The following MAGI1 variants were observed in gnomAD, a reference collection of about 807,000 sequenced individuals.
MAGI1 encodes membrane associated guanylate kinase, WW and PDZ domain containing 1.
In MAGI1, 58 loss-of-function variants were observed where a neutral mutation model predicts 139.9. The observed-to-expected ratio is 0.41, with a 90% CI of 0.34 to 0.52. The LOEUF is 0.52. Among genes scored for constraint, MAGI1 ranks in the 20% least tolerant of loss-of-function variants. MAGI1 has a pLI of 0.12. For synonymous variants in MAGI1, 812 were observed against 737.9 expected (o/e 1.10, Z -1.63); for missense variants, 1,874 against 1,901.6 (o/e 0.99, Z 0.27).
chr3:65,911,062 TG>T (rs2061647280), intron 1 of MAGI1, among the ~76,000 whole-genome samples: 1 of 151,430 alleles, frequency 6.6e-6, no homozygotes, highest in Non-Finnish European at 1.5e-5. Context: ...TTCACCATAT[TG>T]GTCAGGCTGG....
intron 1 of MAGI1, among the ~76,000 whole-genome samples, chr3:65,745,509 G>T (rs2035626860): frequency 6.6e-6 from 1 of 152,184 alleles, no homozygotes; most frequent in Non-Finnish European, 1.5e-5. Flanking sequence ...GCATGAATTG[G>T]CAGGTTACAA....
intron 1 of MAGI1, among the ~76,000 whole-genome samples, chr3:65,978,618 T>A (rs765150777): frequency 0.032 from 1,809 of 57,294 alleles, 33 homozygotes; most frequent in African/African-American, 0.082. Context: ...CAGCTCAAAA[T>A]TTCTTTTTTT....
intron 1 of MAGI1, among the ~76,000 whole-genome samples, chr3:65,903,853 CA>C (rs2061333917): frequency 6.6e-6 from 1 of 151,876 alleles, no homozygotes; most frequent in Non-Finnish European, 1.5e-5. Flanking sequence ...ACTAAAAATA[CA>C]AAAATTAGCC....
chr3:65,370,057 CTT>C (rs1363516328), intron 18 of MAGI1, among the ~76,000 whole-genome samples: 2 of 152,344 alleles, frequency 1.3e-5, no homozygotes, highest in East Asian at 3.9e-4. Flanking sequence ...AATGCTCACT[CTT>C]TGTCTTCTGG....
chr3:66,038,124 G>C lies in MAGI1; in HGVS notation c.185C>G (p.Pro62Arg). The change falls in exon 1 of 23, where the codon CCG becomes CGG. Residue 62 changes from proline to arginine, a missense_variant. Pro to Arg is a moderately radical substitution (Grantham distance 103). This residue lies in a region of MAGI1 where 648 missense variants were observed against 598.1 expected (regional missense o/e 1.08). Transcript: ENST00000402939. ...AAGCAGCTCCCCTTCGCCCAGCCTC[G>C]GGCCCTCGCCGCCGCCGGGAAGCCC... The part of the protein sequence containing the change: ...AAGLPGGGEG[P>R]RLGEGELLLE... 1.2e-6 allele frequency: 2 copies of C among 1,612,244 alleles called. No individual in the cohort carries two copies. Among genetic ancestry groups the C allele is most frequent in the East Asian group, 2.2e-5 (1 of 44,806 alleles).
chr3:65,723,294 G>C (rs1216225033), intron 1 of MAGI1, among the ~76,000 whole-genome samples: 1 of 152,178 alleles, frequency 6.6e-6, no homozygotes, highest in South Asian at 2.1e-4. Flanking sequence ...AGCATCTTGT[G>C]TCCATAAGCT....
At chr3:65,911,135 A>T (rs1053994663) in intron 1 of MAGI1, among the ~76,000 whole-genome samples, 3 of 151,444 alleles carry the variant, frequency 2.0e-5, no homozygotes, top group African/African-American at 7.3e-5. Context: ...TAGGATTACA[A>T]GAGTGAGCCA....
chr3:65,464,787 T>C (rs1232178768), intron 5 of MAGI1, among the ~76,000 whole-genome samples: 1 of 152,008 alleles, frequency 6.6e-6, no homozygotes, highest in Non-Finnish European at 1.5e-5. Context: ...TGTTAGGGCT[T>C]AAGTCTTCCA....
intron 2 of MAGI1, among the ~76,000 whole-genome samples, chr3:65,510,396 A>G (rs891983908): frequency 1.3e-5 from 2 of 150,754 alleles, no homozygotes; most frequent in African/African-American, 4.9e-5. Flanking sequence ...AAAGAAGTTG[A>G]AAACTTTGAA....
intron 2 of MAGI1, among the ~76,000 whole-genome samples, chr3:65,548,926 G>C (rs763297802): frequency 2.0e-5 from 3 of 152,164 alleles, no homozygotes; most frequent in Non-Finnish European, 4.4e-5. Flanking sequence ...CGGCGGGAAC[G>C]GGAGGCAGCA....
chr3:65,556,593 C>G (rs925356683), intron 2 of MAGI1, among the ~76,000 whole-genome samples: 4 of 152,160 alleles, frequency 2.6e-5, no homozygotes, highest in Admixed American at 6.5e-5. Flanking sequence ...TGACAATTTT[C>G]CTCCTAAATA....
In MAGI1 at chr3:65,812,468, T is replaced by TCTCTCTCACACACACACACACACACA. The variant is rs1176899313; in HGVS notation, c.314-190381_314-190380insTGTGTGTGTGTGTGTGTGTGAGAGAG. On this transcript the variant is annotated intron_variant, in intron 1 of 22. Transcript: ENST00000402939. ...CTTTCTCTCTCTCTCTCTCTCTCTCTCACACACACACACACACACACACTT... is the reference window on the plus strand; with the variant it reads ...CTTTCTCTCTCTCTCTCTCTCTCTCTCTCTCTCACACACACACACACACACACACACACACACACACACACACACTT... Among the ~76,000 whole-genome samples the TCTCTCTCACACACACACACACACACA allele has an allele frequency of 2.7e-3, 243 of 89,072 alleles. 1 individual carries two copies. Among genetic ancestry groups the TCTCTCTCACACACACACACACACACA allele is most frequent in the East Asian group, 6.8e-3 (12 of 1,752 alleles). 58.4% of individuals were successfully genotyped at this position (89,072 alleles called of 152,430 possible).
intron 1 of MAGI1, among the ~76,000 whole-genome samples, chr3:65,892,649 T>C (rs1480258667): frequency 6.6e-6 from 1 of 152,228 alleles, no homozygotes; most frequent in Non-Finnish European, 1.5e-5. Context: ...ACACATTGTT[T>C]TAATGTCTCC....
chr3:65,413,606 T>C (rs1945965668), intron 12 of MAGI1, among the ~76,000 whole-genome samples: 1 of 152,208 alleles, frequency 6.6e-6, no homozygotes, highest in Admixed American at 6.5e-5. Context: ...AAAAAGCTGT[T>C]TCCTTGACTA....
intron 2 of MAGI1, among the ~76,000 whole-genome samples, chr3:65,610,821 G>GTATATATACAA (rs2083035427): frequency 7.5e-6 from 1 of 132,982 alleles, no homozygotes; most frequent in Non-Finnish European, 1.6e-5. Context: ...ATAGTATATA[G>GTATATATACAA]TATATATACA....
intron 1 of MAGI1, among the ~76,000 whole-genome samples, chr3:65,740,302 T>C (rs62243985): frequency 0.096 from 14,671 of 152,252 alleles, 816 homozygotes; most frequent in South Asian, 0.18. Context: ...GGGACATTAC[T>C]ACATTATCTT....
chr3:65,938,555 G>A lies in MAGI1; in HGVS notation c.313+99441C>T, dbSNP rs577422381. ...GTTAAAAATGACAACCTCCCTACTC[G>A]CCAAGAGACTTGACACTTCTTCCTT... On this transcript the variant is annotated intron_variant, in intron 1 of 22. Coordinates refer to ENST00000402939, the MANE Select transcript of MAGI1 (RefSeq NM_001033057.2). Among the ~76,000 whole-genome samples, 51 of 151,834 alleles carry A rather than the reference G, an allele frequency of 3.4e-4. No homozygotes were observed. In the Middle Eastern group the frequency reaches 0.01, roughly 30 times the overall value.
At chr3:65,889,409 C>A (rs2060653609) in intron 1 of MAGI1, among the ~76,000 whole-genome samples, 1 of 152,206 alleles carries the variant, frequency 6.6e-6, no homozygotes, top group Admixed American at 6.5e-5. Context: ...GGCTTAGCGA[C>A]ACACTCAACA....
chr3:65,532,660 G>C (rs371748829), intron 2 of MAGI1: 34 of 152,418 alleles, frequency 2.2e-4, no homozygotes, highest in African/African-American at 8.2e-4. Flanking sequence ...AAGAGAGAAG[G>C]AGCCAAAATC....
Sources: allele counts gnomAD v4.1 joint callset (sites outside exome capture counted in the v4.1 genomes callset), GRCh38; gene constraint gnomAD v4.1.1; regional missense constraint gnomAD v4.1.1; transcripts MANE v1.5; gene names NCBI Gene and HGNC (gene_info 2026-07-23, HGNC 2026-07-21).